Variants in DPY19L2 observed in about 807,000 individuals in gnomAD.
DPY19L2 encodes the protein probable C-mannosyltransferase DPY19L2.
In DPY19L2, 34 loss-of-function variants were observed where a neutral mutation model predicts 97.9. The observed-to-expected ratio is 0.35, with a 90% CI of 0.26 to 0.46. DPY19L2 has a LOEUF of 0.46. Among genes scored for constraint, DPY19L2 ranks in the 20% least tolerant of loss-of-function variants. The pLI, the probability that DPY19L2 is intolerant of heterozygous loss-of-function variation, is 1.00. For missense variants in DPY19L2, 623 were observed against 911.4 expected (o/e 0.68, Z 4.07); for synonymous variants, 230 against 307.9 (o/e 0.75, Z 2.65).
chr12:63,613,418 T>C (rs1460003563), intron 11 of DPY19L2, among the ~76,000 whole-genome samples: 17 of 152,140 alleles, frequency 1.1e-4, no homozygotes, highest in Non-Finnish European at 2.1e-4. Context: ...TCGAAATTCA[T>C]TTTTGAAAAA....
At chr12:63,570,074 C>A (rs1447014384) in intron 20 of DPY19L2, among the ~76,000 whole-genome samples, 1 of 152,118 alleles carries the variant, frequency 6.6e-6, no homozygotes, top group Non-Finnish European at 1.5e-5. Flanking sequence ...AGACAGCAGA[C>A]CTAAAACTTT....
intron 9 of DPY19L2, among the ~76,000 whole-genome samples, chr12:63,618,499 T>C (rs1436088143): frequency 6.6e-6 from 1 of 152,132 alleles, no homozygotes; most frequent in Non-Finnish European, 1.5e-5. Context: ...CCGATGAGCA[T>C]GACATTTTAG....
intron 4 of DPY19L2, among the ~76,000 whole-genome samples, chr12:63,660,583 T>G (rs1895548727): frequency 6.6e-6 from 1 of 151,978 alleles, no homozygotes; most frequent in Non-Finnish European, 1.5e-5. Flanking sequence ...ATGACAAAGA[T>G]TAGCATTTAT....
Position 63,560,042 on chromosome 12 carries a change from TCA to T in DPY19L2, c.*468_*469del, listed in dbSNP as rs1876184348. The T allele has an allele frequency of 6.5e-6, 1 of 152,682 alleles. No homozygotes were observed. Among genetic ancestry groups the T allele is most frequent in the African/African-American group, 2.4e-5 (1 of 41,436 alleles). The allele number at this position is 152,682 out of a possible 1,614,324, so 9.5% of individuals were successfully genotyped here. A position where few individuals can be genotyped will look rare whatever the true frequency, so the allele number is the denominator to read the frequency against. ...TAAAAGACACACTGTTACAATTTCCTCACAGAGGTAAAGAGGCTGTGACCAGT... is the reference window on the plus strand; with the variant it reads ...TAAAAGACACACTGTTACAATTTCCTCAGAGGTAAAGAGGCTGTGACCAGT... On this transcript the variant is annotated 3_prime_UTR_variant, in exon 22 of 22. Transcript: ENST00000324472.
At chr12:63,627,013 G>A (rs969812390) in intron 6 of DPY19L2, among the ~76,000 whole-genome samples, 1 of 152,046 alleles carries the variant, frequency 6.6e-6, no homozygotes, top group Admixed American at 6.6e-5. Flanking sequence ...TCCTGACCTC[G>A]TGATCCACCC....
intron 19 of DPY19L2, among the ~76,000 whole-genome samples, chr12:63,576,342 G>A (rs552888086): frequency 1.4e-4 from 22 of 152,066 alleles, no homozygotes; most frequent in South Asian, 4.1e-4. Flanking sequence ...GTATCATACT[G>A]AGTGAGAAAA....
At chr12:63,629,578 G>A (rs1181211133) in intron 6 of DPY19L2, among the ~76,000 whole-genome samples, 3 of 152,210 alleles carry the variant, frequency 2.0e-5, no homozygotes, top group South Asian at 2.1e-4. Context: ...AAAAGACCAA[G>A]TCTACGTCTG....
chr12:63,629,592 G>T (rs1890214453), intron 6 of DPY19L2, among the ~76,000 whole-genome samples: 1 of 152,142 alleles, frequency 6.6e-6, no homozygotes, highest in African/African-American at 2.4e-5. Context: ...ACGTCTGATT[G>T]GTGTACCTGA....
In DPY19L2 at chr12:63,601,880, AAAGAG is replaced by A. The variant is rs556128624; in HGVS notation, c.1279-1499_1279-1495del. 2.6e-3 allele frequency among the ~76,000 whole-genome samples: 393 copies of A among 152,324 alleles called. 4 individuals carry two copies. The highest frequency in any genetic ancestry group is 4.6e-3 in the Admixed American group (71 of 15,302). ...ATCACTACTGCCATCATGCACAAAA[AAAGAG>A]AAAAGTTATTCATTGAAAAAAATCA... On this transcript the variant is annotated intron_variant, in intron 12 of 21. Transcript: ENST00000324472.
chr12:63,564,706 A>G lies in DPY19L2; in HGVS notation c.2127-4044T>C, dbSNP rs190937079. 7.6e-4 allele frequency among the ~76,000 whole-genome samples: 116 copies of G among 152,142 alleles called. 1 individual carries two copies. In the East Asian group the frequency reaches 0.015, roughly 19 times the overall value. On this transcript the variant is annotated intron_variant, in intron 21 of 21. Transcript: ENST00000324472. ...GCTTGAATGTCTATTTTGCTGTTCT[A>G]GGGTGGTATGTACTATAAATGTCAA...
chr12:63,629,376 C>A (rs923354667), intron 6 of DPY19L2, among the ~76,000 whole-genome samples: 2 of 152,000 alleles, frequency 1.3e-5, no homozygotes, highest in Non-Finnish European at 1.5e-5. Context: ...CTTAAAGGAC[C>A]GGATGCAGCT....
chr12:63,649,899 T>G (rs1445932099), intron 4 of DPY19L2, among the ~76,000 whole-genome samples: 2 of 152,148 alleles, frequency 1.3e-5, no homozygotes, highest in African/African-American at 4.8e-5. Flanking sequence ...ATATCTCTGA[T>G]GAACATAGAT....
chr12:63,637,858 G>T (rs1387542577), intron 6 of DPY19L2, among the ~76,000 whole-genome samples: 1 of 152,064 alleles, frequency 6.6e-6, no homozygotes, highest in East Asian at 1.9e-4. Flanking sequence ...ACTCATTTTA[G>T]GAGGCCAGCA....
chr12:63,632,285 G>A (rs1226360701), intron 6 of DPY19L2, among the ~76,000 whole-genome samples: 1 of 152,128 alleles, frequency 6.6e-6, no homozygotes, highest in Non-Finnish European at 1.5e-5. Flanking sequence ...GTCCCTGTTT[G>A]CAGATGACAT....
intron 4 of DPY19L2, among the ~76,000 whole-genome samples, chr12:63,656,895 GCTAAAATTAT>G (rs57934643): frequency 0.24 from 36,850 of 151,664 alleles, 4,835 homozygotes; most frequent in East Asian, 0.45. Context: ...GTCCAACTCT[GCTAAAATTAT>G]CTATCTGATC....
intron 5 of DPY19L2, among the ~76,000 whole-genome samples, chr12:63,646,800 A>G (rs1893471616): frequency 6.6e-6 from 1 of 152,186 alleles, no homozygotes; most frequent in African/African-American, 2.4e-5. Context: ...ATGGACTATG[A>G]GCATATATAA....
chr12:63,647,289 T>C lies in DPY19L2; in HGVS notation c.665A>G (p.Asn222Ser). 1.3e-6 allele frequency: 2 copies of C among 1,588,910 alleles called. No homozygotes were observed. The highest frequency in any genetic ancestry group is 8.6e-7 in the Non-Finnish European group (1 of 1,165,448). Residue 222 changes from asparagine (N) to serine (S), a missense_variant, in exon 5 of 22, where the codon AAT (asparagine) becomes AGT (serine). Around this residue, in one of 6 missense-constraint regions of DPY19L2, gnomAD observed 27 missense variants for 77.5 expected, o/e 0.35. Transcript: ENST00000324472. ...LFGLETKTCW[N>S]VTRIEPLNEV... Reference sequence around the variant, plus strand: ...ATTAAGAGGTTCTATTCTGGTGACATTCCAGCAGGTCTTAGTTTCTAGTCC... The same window carrying C: ...ATTAAGAGGTTCTATTCTGGTGACACTCCAGCAGGTCTTAGTTTCTAGTCC...
rs760679938 is a variant in DPY19L2, at chr12:63,624,104, G to C, written c.889C>G (p.Leu297Val). ...AAAGGATAGGAAAAACTTTCACGGA[G>C]AGGTGGTGTCCACATCACACGGGTG... is the stretch of plus-strand genomic sequence containing the variant. The part of the protein sequence containing the change: ...EATRVMWTPP[L>V]RESFSYPFLV... The change falls in exon 8 of 22, where the codon CTC (leucine) becomes GTC (valine). Residue 297 changes from leucine to valine, a missense_variant. Transcript: ENST00000324472. The C allele has an allele frequency of 1.2e-6, 2 of 1,611,714 alleles. No individual in the cohort carries two copies. The highest frequency in any genetic ancestry group is 2.2e-5 in the South Asian group (2 of 90,976).
chr12:63,572,202 G>C (rs1035869440), intron 19 of DPY19L2, among the ~76,000 whole-genome samples: 3 of 152,162 alleles, frequency 2.0e-5, no homozygotes, highest in Non-Finnish European at 4.4e-5. Context: ...GCCCTGAAGG[G>C]TGAGTTCCAG....
Sources: allele counts gnomAD v4.1 joint callset (sites outside exome capture counted in the v4.1 genomes callset), GRCh38; gene constraint gnomAD v4.1.1; regional missense constraint gnomAD v4.1.1; transcripts MANE v1.5; gene names NCBI Gene and HGNC (gene_info 2026-07-23, HGNC 2026-07-21).